SYCP1: variants seen among roughly 807,000 people sequenced by gnomAD.
SYCP1 encodes the protein synaptonemal complex protein 1, also known as cancer/testis antigen 8.
A neutral mutation model predicts 153.1 loss-of-function variants in SYCP1; 64 were observed. The observed-to-expected ratio is 0.42, with a 90% CI of 0.34 to 0.51. The LOEUF is 0.51. SYCP1 is among the 20% of genes least tolerant of loss of function. The pLI, the probability that SYCP1 is intolerant of heterozygous loss-of-function variation, is 0.06. For synonymous variants in SYCP1, 384 were observed against 341.8 expected, an observed-to-expected ratio of 1.12 and a Z score of -1.36; for missense variants, 997 against 1,049.0, an observed-to-expected ratio of 0.95 and a Z score of 0.68.
intron 27 of SYCP1, among the ~76,000 whole-genome samples, chr1:114,972,753 T>C (rs1672576206): frequency 1.3e-5 from 2 of 152,192 alleles, no homozygotes; most frequent in African/African-American, 4.8e-5. Context: ...TTCATTGTTG[T>C]CAGAGAAGAT....
chr1:114,857,557 T>C, intron 5 of SYCP1, 60 bp downstream of exon 5: 1 of 1,197,408 alleles, frequency 8.4e-7, no homozygotes, highest in Non-Finnish European at 1.2e-6. Flanking sequence ...TTATTACCTA[T>C]ATGTATATTT....
chr1:114,898,428 C>G (rs1304367190), intron 16 of SYCP1, among the ~76,000 whole-genome samples: 5 of 152,160 alleles, frequency 3.3e-5, no homozygotes, highest in Admixed American at 6.5e-5. Flanking sequence ...TTCCCATCAT[C>G]TGTCCGGATT....
intron 23 of SYCP1, among the ~76,000 whole-genome samples, chr1:114,938,102 G>A (rs1036003131): frequency 3.3e-5 from 5 of 152,138 alleles, no homozygotes; most frequent in African/African-American, 1.2e-4. Flanking sequence ...GCACATGTAT[G>A]TTTATTGCAG....
chr1:114,950,092 C>G (rs767796739), intron 27 of SYCP1, among the ~76,000 whole-genome samples: 2 of 152,166 alleles, frequency 1.3e-5, no homozygotes, highest in East Asian at 3.9e-4. Context: ...ATTTCCACCT[C>G]GCTGACTTCA....
Position 114,950,215 on chromosome 1 carries a change from C to T in SYCP1, c.2322+2895C>T, listed in dbSNP as rs147320492. ...TTCCCAGCCTCTCTTTTCTTTTGGC[C>T]TTGAGACTGACGTAGAAGTTGCTTC... is the stretch of plus-strand genomic sequence containing the variant. On this transcript the variant is annotated intron_variant, in intron 27 of 31. Transcript: ENST00000369522. Among the ~76,000 whole-genome samples, 157 of 152,250 alleles carry T rather than the reference C, an allele frequency of 1.0e-3. 2 individuals are homozygous for T. Among genetic ancestry groups the T allele is most frequent in the African/African-American group, 3.7e-3 (152 of 41,550 alleles).
chr1:114,987,225 A>T (rs1260727140), intron 30 of SYCP1, among the ~76,000 whole-genome samples: 2 of 152,048 alleles, frequency 1.3e-5, no homozygotes, highest in African/African-American at 4.8e-5. Flanking sequence ...GGAGAAGACC[A>T]TAAGCTTTTA....
At chr1:114,971,011 G>A (rs72695838) in intron 27 of SYCP1, among the ~76,000 whole-genome samples, 58,591 of 152,020 alleles carry the variant, frequency 0.39, 12,513 homozygotes, top group East Asian at 0.5. Flanking sequence ...TCTGTTATGA[G>A]TTGCTGTAAT....
At chr1:114,966,677 T>TTTTC (rs1203174334) in intron 27 of SYCP1, among the ~76,000 whole-genome samples, 2 of 151,556 alleles carry the variant, frequency 1.3e-5, no homozygotes, top group Non-Finnish European at 2.9e-5. Context: ...CTGTTTTCTT[T>TTTTC]TTTCTTTCTT....
chr1:114,960,415 G>T (rs1028564143), intron 27 of SYCP1, among the ~76,000 whole-genome samples: 1 of 152,088 alleles, frequency 6.6e-6, no homozygotes, highest in Admixed American at 6.6e-5. Context: ...TGATCCACTC[G>T]CCTTGGCCTC....
chr1:114,864,490 T>C (rs561153974), intron 8 of SYCP1, among the ~76,000 whole-genome samples: 1 of 151,998 alleles, frequency 6.6e-6, no homozygotes, highest in African/African-American at 2.4e-5. Context: ...TTCTTTCTTT[T>C]CTTTTTTTGA....
At chr1:114,974,933 G>C (rs1672718462) in intron 27 of SYCP1, among the ~76,000 whole-genome samples, 1 of 151,662 alleles carries the variant, frequency 6.6e-6, no homozygotes, top group Admixed American at 6.6e-5. Flanking sequence ...TGTACCATTT[G>C]ACATTCCCAC....
chr1:114,909,907 C>T (rs1472499130), intron 16 of SYCP1, among the ~76,000 whole-genome samples: 1 of 152,140 alleles, frequency 6.6e-6, no homozygotes, highest in Non-Finnish European at 1.5e-5. Flanking sequence ...CTTTCTTCTG[C>T]ACTATTGCTA....
At chr1:114,955,683 A>G (rs899035071) in intron 27 of SYCP1, among the ~76,000 whole-genome samples, 6 of 152,210 alleles carry the variant, frequency 3.9e-5, no homozygotes, top group African/African-American at 1.4e-4. Flanking sequence ...TGGGAGCCTC[A>G]GGACTCAAGA....
At chr1:114,887,753 A>C (rs1666412876) in intron 15 of SYCP1, 60 bp downstream of exon 15, 2 of 1,068,374 alleles carry the variant, frequency 1.9e-6, no homozygotes, top group Non-Finnish European at 2.6e-6. Context: ...AGAATCATAA[A>C]CACTGTTTTG....
At chr1:114,877,142 C>G (rs936133470) in intron 11 of SYCP1, among the ~76,000 whole-genome samples, 4 of 152,098 alleles carry the variant, frequency 2.6e-5, no homozygotes, top group African/African-American at 9.7e-5. Flanking sequence ...TCATTGACTA[C>G]TCAACTTACA....
chr1:114,962,310 G>A (rs1671832115), intron 27 of SYCP1, among the ~76,000 whole-genome samples: 1 of 152,016 alleles, frequency 6.6e-6, no homozygotes, highest in African/African-American at 2.4e-5. Context: ...TTAAGGTCTG[G>A]TAGTCATTGT....
intron 15 of SYCP1, among the ~76,000 whole-genome samples, chr1:114,892,843 G>T (rs918305383): frequency 6.6e-6 from 1 of 152,024 alleles, no homozygotes; most frequent in Admixed American, 6.6e-5. Flanking sequence ...ATGGAGATGC[G>T]GGGGTTTTTG....
intron 19 of SYCP1, 75 bp downstream of exon 19, chr1:114,913,225 C>A (rs988130983): frequency 9.4e-6 from 11 of 1,168,942 alleles, no homozygotes; most frequent in Non-Finnish European, 1.4e-5. Context: ...CCTCTAAAGA[C>A]CCTTTGACCT....
At chr1:114,981,563 A>G in intron 29 of SYCP1, 51 bp downstream of exon 29, 2 of 1,483,830 alleles carry the variant, frequency 1.3e-6, no homozygotes, top group South Asian at 2.5e-5. Context: ...ATAAATAAAT[A>G]AAGTTCTGTT....
Sources: gnomAD v4.1 joint callset for allele counts (sites outside exome capture counted in the v4.1 genomes callset) on GRCh38, gnomAD v4.1.1 for gene constraint, MANE v1.5 for transcripts, NCBI Gene and HGNC (gene_info 2026-07-23, HGNC 2026-07-21) for gene names.